The following RHNO1 variants were observed in gnomAD, a reference collection of about 807,000 sequenced individuals.
RHNO1 encodes RAD9, HUS1, RAD1-interacting nuclear orphan protein 1.
In RHNO1, 9 loss-of-function variants were observed where a neutral mutation model predicts 7.2. That is an observed-to-expected ratio of 1.25 (90% CI 0.75 to 2.18). The LOEUF (loss-of-function observed/expected upper bound fraction) is 2.18, where lower values mean the gene tolerates loss of function less well. Among genes scored for constraint, RHNO1 ranks in the 30% most tolerant of loss-of-function variants. The pLI, the probability that RHNO1 is intolerant of heterozygous loss-of-function variation, is 0.00. For synonymous variants in RHNO1, 95 were observed against 107.5 expected, an observed-to-expected ratio of 0.88 and a Z score of 0.72; for missense variants, 292 against 284.5, an observed-to-expected ratio of 1.03 and a Z score of -0.19.
chr12:2,880,416 A>G (rs894874608), intron 1 of RHNO1, among the ~76,000 whole-genome samples: 7 of 151,948 alleles, frequency 4.6e-5, no homozygotes, highest in Admixed American at 2.0e-4. Flanking sequence ...CAGGAGTTCA[A>G]GACCAGTCTG....
intron 1 of RHNO1, among the ~76,000 whole-genome samples, chr12:2,883,124 A>G (rs2153945007): frequency 6.6e-6 from 1 of 151,090 alleles, no homozygotes; most frequent in South Asian, 2.1e-4. Flanking sequence ...CACACCTGTA[A>G]TTCCAGCACT....
chr12:2,884,572 A>G (rs921361589), intron 1 of RHNO1, among the ~76,000 whole-genome samples: 9 of 152,150 alleles, frequency 5.9e-5, no homozygotes, highest in Non-Finnish European at 1.0e-4. Flanking sequence ...CATGTTGGCC[A>G]GCCTGGTCTC....
At chr12:2,878,962 A>G (rs763447538) in intron 1 of RHNO1, among the ~76,000 whole-genome samples, 1 of 125,346 alleles carries the variant, frequency 8.0e-6, no homozygotes, top group Non-Finnish European at 1.6e-5. Context: ...AGCAATGCTC[A>G]GAATGAGTTT....
chr12:2,877,208 C>A (rs964419476), upstream of RHNO1: 6 of 152,272 alleles, frequency 3.9e-5, no homozygotes, highest in Non-Finnish European at 8.8e-5. Context: ...CAATCGGCGC[C>A]GGCCTTGTCT....
chr12:2,881,924 A>G (rs904148861), intron 1 of RHNO1, among the ~76,000 whole-genome samples: 2 of 151,818 alleles, frequency 1.3e-5, no homozygotes, highest in Non-Finnish European at 2.9e-5. Flanking sequence ...AAAGAAAGAA[A>G]AAAAGAGAAA....
In RHNO1 at chr12:2,888,388, C is replaced by G. The variant is rs756533975; in HGVS notation, c.646C>G (p.Arg216Gly). The G allele has an allele frequency of 6.2e-7, 1 of 1,613,130 alleles. No homozygotes were observed. Among genetic ancestry groups the G allele is most frequent in the African/African-American group, 1.3e-5 (1 of 74,850 alleles). ...KYGIKVTWRRRQHLLAYLRER... is the reference protein window; with the variant it reads ...KYGIKVTWRRGQHLLAYLRER... Reference sequence around the variant, plus strand: ...TGGAATAAAGGTCACATGGAGGAGACGACAGCACCTGCTTGCTTACCTCAG... The same window carrying G: ...TGGAATAAAGGTCACATGGAGGAGAGGACAGCACCTGCTTGCTTACCTCAG... Residue 216 changes from arginine to glycine, a missense_variant, in exon 3 of 3, where the codon CGA (arginine) becomes GGA (glycine). Coordinates refer to ENST00000489288, the MANE Select transcript of RHNO1 (RefSeq NM_001252499.3).
intron 1 of RHNO1, among the ~76,000 whole-genome samples, chr12:2,880,700 C>T (rs2098156417): frequency 6.6e-6 from 1 of 152,090 alleles, no homozygotes; most frequent in African/African-American, 2.4e-5. Context: ...GTGGCACGAT[C>T]ATAGCTCACC....
In RHNO1 at chr12:2,888,652, C is replaced by T. The variant is rs919712914; in HGVS notation, c.*193C>T. ...AAGCGATTCTCCTGCCTCAGCCTCC[C>T]CAGTAGCTGGGATTACAGGCACCAG... On this transcript the variant is annotated 3_prime_UTR_variant, in exon 3 of 3. Coordinates refer to ENST00000489288, the MANE Select transcript of RHNO1 (RefSeq NM_001252499.3). 5.6e-5 allele frequency: 25 copies of T among 442,818 alleles called. No homozygotes were observed. The East Asian group carries it at 6.5e-4, about 11-fold the overall frequency. The allele number at this position is 442,818 out of a possible 1,614,324, so 27.4% of individuals were successfully genotyped here.
Position 2,888,001 on chromosome 12 carries a change from A to G in RHNO1, c.259A>G (p.Thr87Ala), listed in dbSNP as rs151045598. The G allele has an allele frequency of 1.2e-6, 2 of 1,613,818 alleles. No homozygotes were observed. Among genetic ancestry groups the G allele is most frequent in the Non-Finnish European group, 8.5e-7 (1 of 1,180,028 alleles). The change falls in exon 3 of 3, where the codon ACC becomes GCC. Residue 87 changes from threonine (T) to alanine (A), a missense_variant. By Grantham distance (58) the Thr-to-Ala change is moderately conservative. Transcript: ENST00000489288. The part of the protein sequence containing the change: ...NRARHSSRKP[T>A]TSKFPHLTFE... ...GGCGAGACACTCAAGTCGAAAACCT[A>G]CCACCTCCAAGTTTCCACATCTAAC...
chr12:2,888,531 T>A lies in RHNO1; in HGVS notation c.*72T>A. ...ATAAAGGAATTCAATTCCTAGGGTT[T>A]TTGTTTTTGTTTTTGAGATGTAATA... On this transcript the variant is annotated 3_prime_UTR_variant, in exon 3 of 3. Coordinates refer to ENST00000489288, the MANE Select transcript of RHNO1 (RefSeq NM_001252499.3). The A allele has an allele frequency of 1.5e-6, 2 of 1,346,390 alleles. No homozygotes were observed. The highest frequency in any genetic ancestry group is 2.0e-6 in the Non-Finnish European group (2 of 1,009,410). The allele number at this position is 1,346,390 out of a possible 1,614,324, so 83.4% of individuals were successfully genotyped here. A position where few individuals can be genotyped will look rare whatever the true frequency, so the allele number is the denominator to read the frequency against.
At chr12:2,885,615 C>G in intron 2 of RHNO1, 81 bp downstream of exon 2, 1 of 1,262,240 alleles carries the variant, frequency 7.9e-7, no homozygotes, top group East Asian at 2.6e-5. Context: ...CGCTCTATCG[C>G]CCAGGCTGGA....
rs768003568 is a variant in RHNO1 at position 2,888,469 on chromosome 12, G to C, written c.*10G>C. The C allele has an allele frequency of 5.2e-6, 8 of 1,545,564 alleles. No individual in the cohort carries two copies. In the Admixed American group the frequency reaches 1.1e-4, roughly 21 times the overall value. The stretch of plus-strand genomic sequence containing the variant: ...CCTTGTGAAAAGCTGACTGCCATCA[G>C]TAATCTCAATAGAAAAGAGATATGT... On this transcript the variant is annotated 3_prime_UTR_variant, in exon 3 of 3. Transcript: ENST00000489288.
chr12:2,879,605 A>AT (rs2098154810), intron 1 of RHNO1, among the ~76,000 whole-genome samples: 1 of 151,798 alleles, frequency 6.6e-6, no homozygotes, highest in African/African-American at 2.4e-5. Context: ...AAGTGCTGGG[A>AT]TTACAGGCGT....
chr12:2,884,679 T>A lies in RHNO1; in HGVS notation c.-84-604T>A, dbSNP rs147837018. On this transcript the variant is annotated intron_variant, in intron 1 of 2. Transcript: ENST00000489288. ...CACCCAGCCATGTCACCTATTTTTT[T>A]TTTTAACCTCAGCCTGACACCATGT... Among the ~76,000 whole-genome samples, 37 of 152,308 alleles carry A rather than the reference T, an allele frequency of 2.4e-4. No homozygotes were observed. In the East Asian group the frequency reaches 6.4e-3, roughly 26 times the overall value.
intron 1 of RHNO1, among the ~76,000 whole-genome samples, chr12:2,883,738 A>T (rs7304839): frequency 6.6e-6 from 1 of 150,964 alleles, no homozygotes; most frequent in African/African-American, 2.4e-5. Context: ...CTGGTCTCGA[A>T]CTCCCGACCT....
At chr12:2,886,850 A>G in intron 2 of RHNO1, 1 of 418,208 alleles carries the variant, frequency 2.4e-6, no homozygotes, top group Non-Finnish European at 5.0e-6. Flanking sequence ...CCTAAACATC[A>G]GAATCCTGTG....
At position 2,885,547 on chromosome 12, in the gene RHNO1, G is replaced by A. The variant is rs2098164403; in HGVS notation, c.168+13G>A. ...CATCACTTCCTGGGTAGGCCCATGG[G>A]ATTACTATTTGACATTTTTTTTTTT... is the stretch of plus-strand genomic sequence containing the variant. On this transcript the variant is annotated intron_variant, in intron 2 of 2. Coordinates refer to ENST00000489288, the MANE Select transcript of RHNO1 (RefSeq NM_001252499.3). 25 of 1,161,286 alleles carry A rather than the reference G, an allele frequency of 2.2e-5. No individual in the cohort carries two copies. Among genetic ancestry groups the A allele is most frequent in the Non-Finnish European group, 3.1e-5 (25 of 799,574 alleles). 71.9% of individuals were successfully genotyped at this position (1,161,286 alleles called of 1,614,324 possible).
rs1470529003 is a variant in RHNO1, at chr12:2,888,150, C to G, written c.408C>G (p.Ser136Arg). Residue 136 changes from serine (S) to arginine (R), a missense_variant, in exon 3 of 3, where the codon AGC (serine) becomes AGG (arginine). Coordinates refer to ENST00000489288, the MANE Select transcript of RHNO1 (RefSeq NM_001252499.3). ...TAGTTCCAGTGCTCAGTCCCCAAAG[C>G]TGTGGGAACATGTCAGTGCAGGCAC... ...RPLVPVLSPQ[S>R]CGNMSVQALQ... The G allele has an allele frequency of 3.1e-6, 5 of 1,614,080 alleles. No individual in the cohort carries two copies. Among genetic ancestry groups the G allele is most frequent in the Non-Finnish European group, 4.2e-6 (5 of 1,179,998 alleles).
In RHNO1 at chr12:2,888,023, T is replaced by A. The variant is rs1293479368; in HGVS notation, c.281T>A (p.Leu94Gln). Reference sequence around the variant, plus strand: ...CCTACCACCTCCAAGTTTCCACATCTAACTTTTGAGAGTCCGCAATCTTCC... The same window carrying A: ...CCTACCACCTCCAAGTTTCCACATCAAACTTTTGAGAGTCCGCAATCTTCC... ...RKPTTSKFPH[L>Q]TFESPQSSSS... is the part of the protein sequence containing the mutation. Residue 94 changes from leucine (L) to glutamine (Q), a missense_variant, in exon 3 of 3, where the codon CTA (leucine) becomes CAA (glutamine). Coordinates refer to ENST00000489288, the MANE Select transcript of RHNO1 (RefSeq NM_001252499.3). 2 of 1,614,022 alleles carry A rather than the reference T, an allele frequency of 1.2e-6. No individual in the cohort carries two copies. Among genetic ancestry groups the A allele is most frequent in the Non-Finnish European group, 8.5e-7 (1 of 1,180,022 alleles).
Sources: gnomAD v4.1 joint callset for allele counts (sites outside exome capture counted in the v4.1 genomes callset) on GRCh38, gnomAD v4.1.1 for gene constraint, MANE v1.5 for transcripts, NCBI Gene and HGNC (gene_info 2026-07-23, HGNC 2026-07-21) for gene names.